The following OPCML variants were observed in gnomAD, a reference collection of about 807,000 sequenced individuals.
OPCML encodes the protein opioid binding protein/cell adhesion molecule like.
Under a neutral mutation model 37.8 loss-of-function variants are expected in OPCML, and 13 were observed. The observed-to-expected ratio is 0.34, with a 90% CI of 0.22 to 0.55. The LOEUF (loss-of-function observed/expected upper bound fraction) is 0.55. Among genes scored for constraint, OPCML ranks in the 20% least tolerant of loss-of-function variants. The pLI, the probability that OPCML is intolerant of heterozygous loss-of-function variation, is 0.91. For synonymous variants in OPCML, 176 were observed against 168.8 expected (o/e 1.04, Z -0.33); for missense variants, 341 against 435.6 (o/e 0.78, Z 1.93).
At chr11:133,102,683 G>C (rs1949101853) in intron 1 of OPCML, among the ~76,000 whole-genome samples, 1 of 152,164 alleles carries the variant, frequency 6.6e-6, no homozygotes, top group South Asian at 2.1e-4. Flanking sequence ...CCGGGAGGTG[G>C]AGCTTGCAGT....
intron 2 of OPCML, among the ~76,000 whole-genome samples, chr11:132,889,929 T>C (rs1227290561): frequency 1.3e-5 from 2 of 152,258 alleles, no homozygotes; most frequent in African/African-American, 2.4e-5. Flanking sequence ...TAGACACCGT[T>C]CAATATGCAC....
At chr11:133,405,246 C>A (rs922887726) in intron 1 of OPCML, among the ~76,000 whole-genome samples, 3 of 152,200 alleles carry the variant, frequency 2.0e-5, no homozygotes, top group Admixed American at 6.5e-5. Flanking sequence ...CTCACAGTGT[C>A]CCCTCTGCCA....
chr11:132,611,665 T>C (rs1380541967), intron 3 of OPCML, among the ~76,000 whole-genome samples: 1 of 152,142 alleles, frequency 6.6e-6, no homozygotes, highest in Non-Finnish European at 1.5e-5. Context: ...ATTTATATTA[T>C]AGTGGATGTG....
At chr11:132,634,680 C>A (rs1210732933) in intron 3 of OPCML, among the ~76,000 whole-genome samples, 3 of 152,146 alleles carry the variant, frequency 2.0e-5, no homozygotes, top group Non-Finnish European at 4.4e-5. Context: ...GAAATCAGCA[C>A]TTTCTTAAAA....
At chr11:133,006,143 G>A in intron 1 of OPCML, 1 of 984,236 alleles carries the variant, frequency 1.0e-6, no homozygotes, top group African/African-American at 1.7e-5. Flanking sequence ...GAGATCCCTG[G>A]AGAAGCTCCA....
chr11:132,791,030 T>C (rs1211156518), intron 2 of OPCML, among the ~76,000 whole-genome samples: 1 of 152,210 alleles, frequency 6.6e-6, no homozygotes, highest in African/African-American at 2.4e-5. Context: ...ATTTGGCATA[T>C]TACAATTTTC....
intron 1 of OPCML, among the ~76,000 whole-genome samples, chr11:133,516,791 CAA>C (rs1266443919): frequency 2.0e-5 from 3 of 152,186 alleles, no homozygotes; most frequent in Admixed American, 1.3e-4. Context: ...TTTCTTCTCG[CAA>C]AGACTGTTTG....
chr11:132,886,475 A>G (rs1413543003), intron 2 of OPCML, among the ~76,000 whole-genome samples: 1 of 152,178 alleles, frequency 6.6e-6, no homozygotes, highest in African/African-American at 2.4e-5. Context: ...CTTGGCAGCG[A>G]CCGTGAGAAG....
chr11:132,472,876 A>T (rs957275674), intron 4 of OPCML, among the ~76,000 whole-genome samples: 5 of 152,232 alleles, frequency 3.3e-5, no homozygotes, highest in Non-Finnish European at 7.3e-5. Flanking sequence ...TCAAATCAAC[A>T]GGCCACTTTT....
chr11:132,743,785 A>G (rs928198200), intron 2 of OPCML, among the ~76,000 whole-genome samples: 2 of 152,220 alleles, frequency 1.3e-5, no homozygotes, highest in African/African-American at 4.8e-5. Context: ...CTCCATGTTC[A>G]TGTGAAAAGC....
At chr11:132,515,158 T>C (rs2096276988) in intron 4 of OPCML, among the ~76,000 whole-genome samples, 1 of 152,132 alleles carries the variant, frequency 6.6e-6, no homozygotes, top group Non-Finnish European at 1.5e-5. Flanking sequence ...TACTAAATCT[T>C]TCTCTTAGGA....
In OPCML at chr11:132,441,165, G is replaced by GTTTTTTTTTTTTTTTTTTTTTTTT. The variant is rs68143578; in HGVS notation, c.506-3807_506-3806insAAAAAAAAAAAAAAAAAAAAAAAA. 5.5e-4 allele frequency among the ~76,000 whole-genome samples: 40 copies of GTTTTTTTTTTTTTTTTTTTTTTTT among 72,392 alleles called. 2 individuals carry two copies. The highest frequency in any genetic ancestry group is 2.0e-3 in the East Asian group (5 of 2,456). The allele number at this position is 72,392 out of a possible 152,430, so 47.5% of individuals were successfully genotyped here. ...AGATGTGTTCACCAAGGACTTTTTT[G>GTTTTTTTTTTTTTTTTTTTTTTTT]TTTTTTTTTTTTTTTTTTTTGAGAC... On this transcript the variant is annotated intron_variant, in intron 4 of 7. Coordinates refer to ENST00000524381, the MANE Select transcript of OPCML (RefSeq NM_001012393.5).
At chr11:133,265,186 G>A (rs933953587) in intron 1 of OPCML, among the ~76,000 whole-genome samples, 2 of 152,148 alleles carry the variant, frequency 1.3e-5, no homozygotes, top group South Asian at 2.1e-4. Flanking sequence ...TCTCCCTGCC[G>A]CTTCATCCTC....
At chr11:133,485,665 A>G (rs1273346054) in intron 1 of OPCML, among the ~76,000 whole-genome samples, 3 of 152,204 alleles carry the variant, frequency 2.0e-5, no homozygotes, top group African/African-American at 7.2e-5. Context: ...GAGTTGGTAC[A>G]TTCCATCTGC....
chr11:132,491,032 C>T (rs562992636), intron 4 of OPCML, among the ~76,000 whole-genome samples: 9 of 152,108 alleles, frequency 5.9e-5, no homozygotes, highest in Non-Finnish European at 1.2e-4. Flanking sequence ...ACCCCAAATC[C>T]AATCTGTTAG....
At chr11:133,116,309 G>A (rs1949332732) in intron 1 of OPCML, among the ~76,000 whole-genome samples, 1 of 152,112 alleles carries the variant, frequency 6.6e-6, no homozygotes. Context: ...CTCAAAATTA[G>A]GAAATGTTTG....
intron 2 of OPCML, among the ~76,000 whole-genome samples, chr11:132,751,283 G>A (rs562665883): frequency 3.9e-5 from 6 of 152,196 alleles, no homozygotes; most frequent in Admixed American, 2.0e-4. Context: ...CTCCTCCAGC[G>A]GTGGTGAGAC....
intron 2 of OPCML, among the ~76,000 whole-genome samples, chr11:132,793,946 C>T (rs77263060): frequency 0.017 from 2,597 of 152,346 alleles, 36 homozygotes; most frequent in Non-Finnish European, 0.028. Flanking sequence ...CCTGCCGTGA[C>T]CCCCATGCCC....
intron 4 of OPCML, among the ~76,000 whole-genome samples, chr11:132,486,197 T>C (rs2096199241): frequency 6.6e-6 from 1 of 152,178 alleles, no homozygotes; most frequent in African/African-American, 2.4e-5. Context: ...ATTGTGTGGG[T>C]GGCCCCAGTG....
Sources: allele counts gnomAD v4.1 joint callset (sites outside exome capture counted in the v4.1 genomes callset), GRCh38; gene constraint gnomAD v4.1.1; transcripts MANE v1.5; gene names NCBI Gene and HGNC (gene_info 2026-07-23, HGNC 2026-07-21).